The following MED17 variants were observed in gnomAD, a reference collection of about 807,000 sequenced individuals.
MED17 encodes mediator of RNA polymerase II transcription subunit 17.
In MED17, 49 loss-of-function variants were observed where a neutral mutation model predicts 80.8. The ratio of observed to expected loss-of-function variants is 0.61; its 90% CI spans 0.48 to 0.77. The LOEUF (loss-of-function observed/expected upper bound fraction) is 0.77. Ranked by LOEUF, MED17 falls within the 30% of genes least tolerant of loss-of-function variation. The probability of loss-of-function intolerance (pLI) is 0.00; values close to 1 mark genes in which losing one functional copy is unlikely to be tolerated. For missense variants in MED17, 718 were observed against 787.0 expected, an observed-to-expected ratio of 0.91 and a Z score of 1.05; for synonymous variants, 281 against 280.4, an observed-to-expected ratio of 1.00 and a Z score of -0.02.
rs1944090645 is a variant in MED17, at chr11:93,812,049, C to T, written c.1941C>T (p.Ser647=). 6.2e-7 allele frequency: 1 copy of T among 1,613,952 alleles called. No individual in the cohort carries two copies. Among genetic ancestry groups the T allele is most frequent in the Non-Finnish European group, 8.5e-7 (1 of 1,179,890 alleles). The change falls in exon 12 of 12, where the codon AGC becomes AGT. Residue 647 remains serine (S), a synonymous_variant. Coordinates refer to ENST00000251871, the MANE Select transcript of MED17 (RefSeq NM_004268.5). The stretch of plus-strand genomic sequence containing the variant: ...TGGAGCTGCTTATGTCTGCACTTAG[C>T]CCTTGTCTACTATGATTTTTTCCAG... ...YKMELLMSAL[S]PCLL
chr11:93,797,465 A>G, intron 7 of MED17, 70 bp from the exon 8 acceptor site: 2 of 1,408,200 alleles, frequency 1.4e-6, no homozygotes, highest in Non-Finnish European at 1.0e-6. Context: ...TCTGTCAACC[A>G]TGTTTTGACT....
chr11:93,812,180 ATAAT>A lies in MED17; in HGVS notation c.*119_*122del, dbSNP rs539317486. The stretch of plus-strand genomic sequence containing the variant: ...CAAAAGAGTGCTGTTTTTAAAAATA[ATAAT>A]TAGGAAATGTTTATTTAGCACTTTC... On this transcript the variant is annotated 3_prime_UTR_variant, in exon 12 of 12. Coordinates refer to ENST00000251871, the MANE Select transcript of MED17 (RefSeq NM_004268.5). 5.6e-5 allele frequency: 49 copies of A among 876,158 alleles called. No individual in the cohort carries two copies. The highest frequency in any genetic ancestry group is 9.0e-5 in the Non-Finnish European group (49 of 545,798). 54.3% of individuals were successfully genotyped at this position (876,158 alleles called of 1,614,324 possible). A position where few individuals can be genotyped will look rare whatever the true frequency, so the allele number is the denominator to read the frequency against.
At chr11:93,802,047 G>T in intron 9 of MED17, 75 bp downstream of exon 9, 1 of 1,406,744 alleles carries the variant, frequency 7.1e-7, no homozygotes. Flanking sequence ...ATTATATTAA[G>T]CATTTGGTTT....
intron 8 of MED17, 116 bp from the exon 9 acceptor site, chr11:93,801,719 G>T: frequency 1.1e-6 from 1 of 939,642 alleles, no homozygotes; most frequent in South Asian, 1.4e-5. Context: ...CCTACACATA[G>T]TGGTAGTTTA....
intron 1 of MED17, chr11:93,785,049 T>G (rs1943754580): frequency 1.9e-6 from 1 of 526,736 alleles, no homozygotes; most frequent in Non-Finnish European, 3.4e-6. Flanking sequence ...GCCTTTAATG[T>G]AGCACACTTA....
At chr11:93,790,066 T>C (rs1269244626) in intron 2 of MED17, among the ~76,000 whole-genome samples, 1 of 152,248 alleles carries the variant, frequency 6.6e-6, no homozygotes, top group Non-Finnish European at 1.5e-5. Flanking sequence ...AAGATAATTT[T>C]ACAGTTATAC....
chr11:93,785,629 A>C (rs925094905), intron 1 of MED17, among the ~76,000 whole-genome samples: 1 of 152,210 alleles, frequency 6.6e-6, no homozygotes, highest in East Asian at 1.9e-4. Context: ...TGAAGTGCCA[A>C]ATGAAGAAAG....
intron 8 of MED17, among the ~76,000 whole-genome samples, chr11:93,799,137 A>G (rs1472484181): frequency 6.6e-6 from 1 of 151,474 alleles, no homozygotes; most frequent in East Asian, 1.9e-4. Context: ...GGAGTTTGAG[A>G]CCAGCCTGGG....
intron 8 of MED17, among the ~76,000 whole-genome samples, chr11:93,798,421 C>G (rs1455451356): frequency 6.6e-6 from 1 of 152,158 alleles, no homozygotes; most frequent in Non-Finnish European, 1.5e-5. Flanking sequence ...CTTGGTAGTA[C>G]TCCAGAATTT....
In MED17 at chr11:93,784,635, C is replaced by T. The variant is rs1943748771; in HGVS notation, c.122C>T (p.Ala41Val). 1 of 1,581,910 alleles carries T rather than the reference C, an allele frequency of 6.3e-7. No homozygotes were observed. The highest frequency in any genetic ancestry group is 8.6e-7 in the Non-Finnish European group (1 of 1,165,092). Residue 41 changes from alanine to valine, a missense_variant, in exon 1 of 12, where the codon GCG (alanine) becomes GTG (valine). Physicochemically the swap from Ala to Val is moderately conservative, Grantham distance 64. Transcript: ENST00000251871. ...CCGCTGTCCATGTCGCAGAATCTGG[C>T]GCGTCTGGCCCAGCGGATAGACTTC... Reference protein sequence around the residue: ...LPPLSMSQNLARLAQRIDFSQ... With the variant: ...LPPLSMSQNLVRLAQRIDFSQ...
rs35300764 is a variant in MED17 at position 93,794,199 on chromosome 11, A to ATT, written c.859+185_859+186dup. Reference sequence around the variant, plus strand: ...TAAACTATTAGTGAATAGCTGTGCAATTTTTTTTTTTTTTTTTTTTTTGAG... The same window carrying ATT: ...TAAACTATTAGTGAATAGCTGTGCAATTTTTTTTTTTTTTTTTTTTTTTTGAG... On this transcript the variant is annotated intron_variant, in intron 5 of 11. Coordinates refer to ENST00000251871, the MANE Select transcript of MED17 (RefSeq NM_004268.5). 0.026 allele frequency: 8,461 copies of ATT among 321,494 alleles called. 111 individuals are homozygous for ATT. Among genetic ancestry groups the ATT allele is most frequent in the African/African-American group, 0.068 (2,345 of 34,292 alleles). The allele number at this position is 321,494 out of a possible 1,614,324, so 19.9% of individuals were successfully genotyped here.
rs1555032960 is a variant in MED17 at position 93,794,082 on chromosome 11, C to G, written c.859+47C>G. The G allele has an allele frequency of 2.1e-6, 3 of 1,455,568 alleles. No individual in the cohort carries two copies. The Admixed American group carries it at 5.2e-5, about 25-fold the overall frequency. The allele number at this position is 1,455,568 out of a possible 1,614,324, so 90.2% of individuals were successfully genotyped here. A position where few individuals can be genotyped will look rare whatever the true frequency, so the allele number is the denominator to read the frequency against. On this transcript the variant is annotated intron_variant, in intron 5 of 11. Transcript: ENST00000251871. ...TAATTTCTGGTCTTATTTGAGCTGA[C>G]ATTTTAAAATAAACTGAAGATAAAT...
At position 93,807,584 on chromosome 11, in the gene MED17, A is replaced by C. The variant is rs768952234; in HGVS notation, c.1533A>C (p.Val511=). 3.7e-6 allele frequency: 6 copies of C among 1,613,470 alleles called. No homozygotes were observed. The African/African-American group carries it at 8.0e-5, about 22-fold the overall frequency. The change falls in exon 10 of 12, where the codon GTA becomes GTC. Residue 511 remains valine, a synonymous_variant. Coordinates refer to ENST00000251871, the MANE Select transcript of MED17 (RefSeq NM_004268.5). ...QIRVVHRDGR[V]ITLSYQEQEL... ...GAGTTGTACATAGAGATGGAAGAGT[A>C]ATTACACTGTCTTATCAGGAGCAGG...
intron 1 of MED17, among the ~76,000 whole-genome samples, chr11:93,787,564 C>T (rs1943783636): frequency 6.6e-6 from 1 of 152,094 alleles, no homozygotes; most frequent in African/African-American, 2.4e-5. Flanking sequence ...AGTGAATGTT[C>T]ATGTATTTAA....
intron 7 of MED17, chr11:93,797,308 C>T (rs1240748372): frequency 1.9e-6 from 1 of 528,852 alleles, no homozygotes; most frequent in Non-Finnish European, 3.4e-6. Flanking sequence ...CATTACCCAT[C>T]TGACATGAGA....
intron 2 of MED17, 85 bp from the exon 3 acceptor site, chr11:93,790,489 A>T: frequency 1.6e-6 from 2 of 1,243,252 alleles, no homozygotes; most frequent in Non-Finnish European, 2.3e-6. Flanking sequence ...CTTTTTGTTC[A>T]CTTCATTTTA....
intron 2 of MED17, among the ~76,000 whole-genome samples, chr11:93,789,981 G>C (rs573835013): frequency 4.1e-4 from 62 of 152,284 alleles, no homozygotes; most frequent in African/African-American, 1.4e-3. Flanking sequence ...TTAATGCTGT[G>C]TGATTTTAGT....
In MED17 at chr11:93,788,166, A is replaced by T. The variant is rs775360415; in HGVS notation, c.416A>T (p.Gln139Leu). 1 of 1,611,738 alleles carries T rather than the reference A, an allele frequency of 6.2e-7. No individual in the cohort carries two copies. The highest frequency in any genetic ancestry group is 8.5e-7 in the Non-Finnish European group (1 of 1,178,198). ...TCTCAGGATGCACTTCCTCCAAAACAGGTATTTGTGGACTTTAATTGAATA... is the reference window on the plus strand; with the variant it reads ...TCTCAGGATGCACTTCCTCCAAAACTGGTATTTGTGGACTTTAATTGAATA... ...PVSQDALPPK[Q>L]NPQTLQLISK... is the part of the protein sequence containing the mutation. The change falls in exon 2 of 12, where the codon CAG (glutamine) becomes CTG (leucine). Residue 139 changes from glutamine (Q) to leucine (L), a missense_variant and splice_region_variant. Physicochemically the swap from Gln to Leu is moderately radical, Grantham distance 113. Transcript: ENST00000251871.
intron 3 of MED17, chr11:93,793,114 C>CTTTTTGTTTTTTTTT (rs1943856597): frequency 1.9e-5 from 1 of 52,154 alleles, no homozygotes; most frequent in African/African-American, 6.1e-5. Context: ...GAGTACACCT[C>CTTTTTGTTTTTTTTT]TTTTTTTTTT....
Sources: gnomAD v4.1 joint callset for allele counts (sites outside exome capture counted in the v4.1 genomes callset) on GRCh38, gnomAD v4.1.1 for gene constraint, MANE v1.5 for transcripts, NCBI Gene and HGNC (gene_info 2026-07-23, HGNC 2026-07-21) for gene names.